TNFAIP8L3: variants seen among roughly 807,000 people sequenced by gnomAD.
The protein encoded by TNFAIP8L3 is tumor necrosis factor alpha-induced protein 8-like protein 3.
TNFAIP8L3 carries 7 observed loss-of-function variants against 11.8 expected under a neutral mutation model. That is an observed-to-expected ratio of 0.59 (90% CI 0.34 to 1.11). The LOEUF (loss-of-function observed/expected upper bound fraction) is 1.11, where lower values mean the gene tolerates loss of function less well. Ranked by LOEUF, TNFAIP8L3 falls within the 50% of genes most tolerant of loss-of-function variation. The probability of loss-of-function intolerance (pLI) is 0.03; values close to 1 mark genes in which losing one functional copy is unlikely to be tolerated. For synonymous variants in TNFAIP8L3, 98 were observed against 103.8 expected (o/e 0.94, Z 0.34); for missense variants, 219 against 258.6 (o/e 0.85, Z 1.05).
intron 1 of TNFAIP8L3, among the ~76,000 whole-genome samples, chr15:51,078,362 C>T (rs2065369538): frequency 6.6e-6 from 1 of 152,050 alleles, no homozygotes; most frequent in African/African-American, 2.4e-5. Context: ...AATCCTGGAA[C>T]GCTGAGGGCA....
At chr15:51,096,876 A>G (rs1394563409), upstream of TNFAIP8L3, among the ~76,000 whole-genome samples, 2 of 146,060 alleles carry the variant, frequency 1.4e-5, no homozygotes, top group Non-Finnish European at 3.0e-5. Flanking sequence ...GGGCAACAAG[A>G]GCAACACGCT....
intron 1 of TNFAIP8L3, among the ~76,000 whole-genome samples, chr15:51,071,050 C>CAAAAAAAAAAAAAAAA (rs55991711): frequency 9.4e-5 from 3 of 31,812 alleles, no homozygotes; most frequent in Admixed American, 3.5e-4. Flanking sequence ...GACTCCGTCT[C>CAAAAAAAAAAAAAAAA]AAAAAAAAAA....
chr15:51,072,660 C>T (rs554141005), intron 1 of TNFAIP8L3, among the ~76,000 whole-genome samples: 21 of 152,110 alleles, frequency 1.4e-4, no homozygotes, highest in Admixed American at 3.9e-4. Flanking sequence ...TTTCTCCCCA[C>T]GATTTATTCT....
chr15:51,082,625 T>A (rs2065400163), intron 1 of TNFAIP8L3, among the ~76,000 whole-genome samples: 1 of 152,304 alleles, frequency 6.6e-6, no homozygotes, highest in Non-Finnish European at 1.5e-5. Flanking sequence ...TTTAAAAACT[T>A]TTTGACTTTT....
Position 51,094,365 on chromosome 15 carries a change from G to A in TNFAIP8L3, c.52+179C>T, listed in dbSNP as rs2065495064. 6.6e-6 allele frequency among the ~76,000 whole-genome samples: 1 copy of A among 151,844 alleles called. No homozygotes were observed. Among genetic ancestry groups the A allele is most frequent in the Non-Finnish European group, 1.5e-5 (1 of 67,954 alleles). On this transcript the variant is annotated intron_variant, in intron 1 of 1. Transcript: ENST00000637513. The surrounding 1 kb of genome is among the most constrained non-coding windows in gnomAD (Gnocchi z 4.4). ...TAAATGCACCTTCCCTCCCTCCCGC[G>A]CGCCCAAGTGCAATGGGGTTGGGGG...
At chr15:51,097,307 T>C (rs1161907305), upstream of TNFAIP8L3, among the ~76,000 whole-genome samples, 1 of 152,194 alleles carries the variant, frequency 6.6e-6, no homozygotes, top group Non-Finnish European at 1.5e-5. Flanking sequence ...GTAAACAATG[T>C]ACTGAGAACA....
chr15:51,064,418 G>A (rs1427979785), intron 1 of TNFAIP8L3, among the ~76,000 whole-genome samples: 1 of 152,058 alleles, frequency 6.6e-6, no homozygotes, highest in Non-Finnish European at 1.5e-5. Flanking sequence ...AAAGATACCT[G>A]CATAGTTTTG....
chr15:51,098,625 A>C (rs1450115188), upstream of TNFAIP8L3, among the ~76,000 whole-genome samples: 1 of 152,238 alleles, frequency 6.6e-6, no homozygotes, highest in Non-Finnish European at 1.5e-5. Context: ...CCTCTTATTT[A>C]AAAAGTAATG....
intron 1 of TNFAIP8L3, among the ~76,000 whole-genome samples, chr15:51,082,424 A>G (rs1234701922): frequency 6.6e-6 from 1 of 152,206 alleles, no homozygotes; most frequent in Admixed American, 6.5e-5. Context: ...CAGGACTGGA[A>G]GTTGTTCCAG....
At chr15:51,074,709 C>T (rs1261724183) in intron 1 of TNFAIP8L3, among the ~76,000 whole-genome samples, 1 of 152,214 alleles carries the variant, frequency 6.6e-6, no homozygotes, top group Admixed American at 6.5e-5. Context: ...GAAGTCAAGC[C>T]AGCTCTCCCT....
chr15:51,071,674 C>T (rs9652426), intron 1 of TNFAIP8L3, among the ~76,000 whole-genome samples: 59,160 of 152,132 alleles, frequency 0.39, 11,890 homozygotes, highest in Middle Eastern at 0.51. Flanking sequence ...TCTCCTTGTG[C>T]GCACACACAC....
chr15:51,070,982 T>C (rs1247725199), intron 1 of TNFAIP8L3, among the ~76,000 whole-genome samples: 19 of 112,178 alleles, frequency 1.7e-4, no homozygotes, highest in African/African-American at 5.6e-4. Flanking sequence ...ACCCGGGAGG[T>C]GGAGCTTGCA....
At position 51,080,168 on chromosome 15, in the gene TNFAIP8L3, C is replaced by T. The variant is rs548163555; in HGVS notation, c.52+14376G>A. ...CTTCTCTTTCAACATTTGGTTAAAT[C>T]AAACTTCAGCGATGACATTACTATG... On this transcript the variant is annotated intron_variant, in intron 1 of 1. Transcript: ENST00000637513. Among the ~76,000 whole-genome samples, 7 of 152,330 alleles carry T rather than the reference C, an allele frequency of 4.6e-5. No homozygotes were observed. The East Asian group carries it at 1.3e-3, about 29-fold the overall frequency.
chr15:51,101,855 A>G (rs746347643), intron 1 of TNFAIP8L3, among the ~76,000 whole-genome samples: 5 of 147,172 alleles, frequency 3.4e-5, no homozygotes, highest in Non-Finnish European at 6.0e-5. Flanking sequence ...CTGAGGCAAG[A>G]GAATGGCGTG....
chr15:51,089,554 T>A (rs746006947), intron 1 of TNFAIP8L3, among the ~76,000 whole-genome samples: 6 of 152,218 alleles, frequency 3.9e-5, no homozygotes, highest in African/African-American at 7.2e-5. Context: ...TGTGTCCTTA[T>A]CTCTCTTTGC....
At chr15:51,070,907 C>T (rs567823088) in intron 1 of TNFAIP8L3, among the ~76,000 whole-genome samples, 3 of 149,252 alleles carry the variant, frequency 2.0e-5, no homozygotes, top group South Asian at 2.1e-4. Flanking sequence ...AAAAATTAGC[C>T]GGGCGTAGTG....
At chr15:51,085,517 A>G (rs1314010528) in intron 1 of TNFAIP8L3, among the ~76,000 whole-genome samples, 1 of 152,206 alleles carries the variant, frequency 6.6e-6, no homozygotes, top group Non-Finnish European at 1.5e-5. Context: ...CTAAGAAAGG[A>G]AATGCAGGTG....
intron 1 of TNFAIP8L3, among the ~76,000 whole-genome samples, chr15:51,077,652 C>T (rs1187301350): frequency 1.3e-5 from 2 of 152,190 alleles, no homozygotes; most frequent in African/African-American, 4.8e-5. Context: ...CTGAAAGACC[C>T]GACTGCCGGT....
chr15:51,081,887 CTCAA>C (rs1376271059), intron 1 of TNFAIP8L3, among the ~76,000 whole-genome samples: 1 of 152,120 alleles, frequency 6.6e-6, no homozygotes, highest in Non-Finnish European at 1.5e-5. Flanking sequence ...TTGCTCCTGT[CTCAA>C]TCATTCTCCC....
Sources: allele counts gnomAD v4.1 joint callset (sites outside exome capture counted in the v4.1 genomes callset), GRCh38; gene constraint gnomAD v4.1.1; non-coding constraint Gnocchi (gnomAD v3.1); transcripts MANE v1.5; gene names NCBI Gene and HGNC (gene_info 2026-07-23, HGNC 2026-07-21).